PLSCR2: variants seen among roughly 807,000 people sequenced by gnomAD.
PLSCR2 encodes the protein PL scramblase 2.
Under a neutral mutation model 25.3 loss-of-function variants are expected in PLSCR2, and 18 were observed. The ratio of observed to expected loss-of-function variants is 0.71; its 90% CI spans 0.49 to 1.06. The LOEUF (loss-of-function observed/expected upper bound fraction) is 1.06, where lower values mean the gene tolerates loss of function less well. Ranked by LOEUF, PLSCR2 falls within the 50% of genes least tolerant of loss-of-function variation. The probability of loss-of-function intolerance (pLI) is 0.00; values close to 1 mark genes in which losing one functional copy is unlikely to be tolerated. For synonymous variants in PLSCR2, 88 were observed against 87.3 expected, an observed-to-expected ratio of 1.01 and a Z score of -0.04; for missense variants, 243 against 269.5, an observed-to-expected ratio of 0.90 and a Z score of 0.69.
At chr3:146,476,712 A>G (rs1227253124) in intron 1 of PLSCR2, among the ~76,000 whole-genome samples, 1 of 152,214 alleles carries the variant, frequency 6.6e-6, no homozygotes, top group African/African-American at 2.4e-5. Context: ...GGCACTCCCC[A>G]TAGTACAGCA....
downstream of PLSCR2, among the ~76,000 whole-genome samples, chr3:146,439,614 C>G (rs924783261): frequency 6.6e-6 from 1 of 152,156 alleles, no homozygotes; most frequent in Non-Finnish European, 1.5e-5. Flanking sequence ...TGGTTTTCAA[C>G]TCTATCAGGT....
chr3:146,433,340 TTGA>T (rs2108133874), exon 9 of PLSCR2: 1 of 152,288 alleles, frequency 6.6e-6, no homozygotes, highest in African/African-American at 2.4e-5. Flanking sequence ...TTGTTGATGT[TTGA>T]TGATTTTTCT....
intron 1 of PLSCR2, among the ~76,000 whole-genome samples, chr3:146,483,444 C>CATGTATATATATATATATAT (rs1265431949): frequency 4.6e-5 from 2 of 43,732 alleles, no homozygotes; most frequent in African/African-American, 9.3e-5. Flanking sequence ...TATATATATA[C>CATGTATATATATATATATAT]ACATGTATGT....
intron 1 of PLSCR2, among the ~76,000 whole-genome samples, chr3:146,492,677 AG>A (rs987980037): frequency 2.6e-5 from 4 of 152,056 alleles, no homozygotes; most frequent in African/African-American, 9.7e-5. Flanking sequence ...AGTGCCAAAC[AG>A]GTACATCAAG....
chr3:146,486,589 G>A (rs866295622), intron 1 of PLSCR2, among the ~76,000 whole-genome samples: 44 of 151,790 alleles, frequency 2.9e-4, no homozygotes, highest in Middle Eastern at 3.4e-3. Flanking sequence ...ATAAATTCCT[G>A]GACATATACA....
intron 8 of PLSCR2, among the ~76,000 whole-genome samples, chr3:146,435,449 T>C (rs1308987509): frequency 6.6e-6 from 1 of 152,226 alleles, no homozygotes; most frequent in Non-Finnish European, 1.5e-5. Context: ...TCCTGACTTT[T>C]TAATGACTGC....
intron 2 of PLSCR2, among the ~76,000 whole-genome samples, chr3:146,414,831 G>A (rs2108054229): frequency 6.6e-6 from 1 of 152,294 alleles, no homozygotes; most frequent in South Asian, 2.1e-4. Flanking sequence ...TGTATTTGAG[G>A]AAATCAGGGT....
At chr3:146,431,507 T>C (rs934897632), downstream of PLSCR2, among the ~76,000 whole-genome samples, 3 of 152,166 alleles carry the variant, frequency 2.0e-5, no homozygotes, top group Admixed American at 2.0e-4. Flanking sequence ...ACTTCAGGAT[T>C]ACATTGAGTT....
chr3:146,469,734 G>A (rs931315774), intron 1 of PLSCR2, 173 bp from the exon 1 acceptor site: 1 of 250,574 alleles, frequency 4.0e-6, no homozygotes, highest in Non-Finnish European at 6.3e-6. Context: ...CAGAGGATCC[G>A]GCTTTGCTGC....
intron 2 of PLSCR2, 125 bp from the exon 3 acceptor site, chr3:146,458,578 TAA>T (rs904973680): frequency 9.9e-6 from 6 of 608,760 alleles, no homozygotes; most frequent in East Asian, 7.9e-5. Context: ...CAAATTTTAA[TAA>T]GTTTGCTACC....
intron 3 of PLSCR2, among the ~76,000 whole-genome samples, chr3:146,395,387 T>G (rs2038239843): frequency 6.6e-6 from 1 of 152,194 alleles, no homozygotes; most frequent in Admixed American, 6.5e-5. Context: ...TCAAATAATA[T>G]CTATAGTTTC....
intron 2 of PLSCR2, among the ~76,000 whole-genome samples, chr3:146,404,930 T>A (rs1485258936): frequency 1.3e-5 from 2 of 151,990 alleles, no homozygotes; most frequent in African/African-American, 4.8e-5. Context: ...ATGTCTTGCA[T>A]CCTGGACATA....
chr3:146,416,151 C>T (rs1222250691), intron 2 of PLSCR2, among the ~76,000 whole-genome samples: 1 of 151,792 alleles, frequency 6.6e-6, no homozygotes, highest in Non-Finnish European at 1.5e-5. Flanking sequence ...GGGGTTTCAC[C>T]GTGTTAGCCA....
At chr3:146,450,968 T>C (rs1280468831) in intron 5 of PLSCR2, among the ~76,000 whole-genome samples, 1 of 151,754 alleles carries the variant, frequency 6.6e-6, no homozygotes, top group Non-Finnish European at 1.5e-5. Flanking sequence ...ATAAAAAAAA[T>C]TTATAAAGTA....
At chr3:146,409,985 G>C (rs934192682) in intron 2 of PLSCR2, among the ~76,000 whole-genome samples, 11 of 152,000 alleles carry the variant, frequency 7.2e-5, no homozygotes, top group African/African-American at 2.2e-4. Flanking sequence ...AGATCTCCTG[G>C]GTCAGTTGTA....
Position 146,419,646 on chromosome 3 carries a change from AAT to A in PLSCR2, c.101-23727_101-23726del, listed in dbSNP as rs200046492. The stretch of plus-strand genomic sequence containing the variant: ...TTCTAGGGGCTCTAAGGAAACAAAA[AAT>A]ATGTTTTGTTTCAGGTTTTGTTTTG... On this transcript the variant is annotated intron_variant and NMD_transcript_variant, in intron 2 of 3. Transcript: ENST00000463633. Among the ~76,000 whole-genome samples, 266 of 152,140 alleles carry A rather than the reference AAT, an allele frequency of 1.7e-3. 7 individuals are homozygous for A. The East Asian group carries it at 0.049, about 28-fold the overall frequency.
chr3:146,401,110 A>G (rs2038458149), intron 2 of PLSCR2, among the ~76,000 whole-genome samples: 1 of 152,018 alleles, frequency 6.6e-6, no homozygotes, highest in Non-Finnish European at 1.5e-5. Context: ...AGGTCACAAA[A>G]AGCCTTGGAT....
chr3:146,431,805 G>A (rs934845079), downstream of PLSCR2, among the ~76,000 whole-genome samples: 1 of 150,632 alleles, frequency 6.6e-6, no homozygotes, highest in Non-Finnish European at 1.5e-5. Flanking sequence ...TATGAACTGC[G>A]TAAACACAAT....
chr3:146,408,367 T>C (rs1370707290), intron 2 of PLSCR2, among the ~76,000 whole-genome samples: 1 of 152,188 alleles, frequency 6.6e-6, no homozygotes, highest in African/African-American at 2.4e-5. Flanking sequence ...TAATGCCTTT[T>C]TCAGGTTTTG....
Sources: allele counts gnomAD v4.1 joint callset (sites outside exome capture counted in the v4.1 genomes callset), GRCh38; gene constraint gnomAD v4.1.1; transcripts MANE v1.5; gene names NCBI Gene and HGNC (gene_info 2026-07-23, HGNC 2026-07-21).